RGS2: variants seen among roughly 807,000 people sequenced by gnomAD.
RGS2 encodes regulator of G protein signaling 2.
In RGS2, 20 loss-of-function variants were observed where a neutral mutation model predicts 26.6. The observed-to-expected ratio is 0.75, with a 90% CI of 0.53 to 1.09. The LOEUF is 1.09. RGS2 is among the 50% of genes least tolerant of loss of function. RGS2 has a pLI of 0.00. For synonymous variants in RGS2, 97 were observed against 79.9 expected, an observed-to-expected ratio of 1.21 and a Z score of -1.14; for missense variants, 246 against 245.5, an observed-to-expected ratio of 1.00 and a Z score of -0.01.
At position 192,811,034 on chromosome 1, in the gene RGS2, A is replaced by G. The variant is rs146862218; in HGVS notation, c.328A>G (p.Ile110Val). Reference protein sequence around the residue: ...FLKSEFCEENIEFWLACEDFK... With the variant: ...FLKSEFCEENVEFWLACEDFK... Reference sequence around the variant, plus strand: ...AAAGTCGGAATTCTGTGAAGAAAATATTGAATTCTGGCTGGCCTGTGAAGA... The same window carrying G: ...AAAGTCGGAATTCTGTGAAGAAAATGTTGAATTCTGGCTGGCCTGTGAAGA... The change falls in exon 4 of 5, where the codon ATT (isoleucine) becomes GTT (valine). Residue 110 changes from isoleucine (I) to valine (V), a missense_variant. Coordinates refer to ENST00000235382, the MANE Select transcript of RGS2 (RefSeq NM_002923.4). 674 of 1,614,140 alleles carry G rather than the reference A, an allele frequency of 4.2e-4. 1 individual carries two copies. The highest frequency in any genetic ancestry group is 5.2e-4 in the Non-Finnish European group (612 of 1,180,014).
Position 192,809,151 on chromosome 1 carries a change from A to G in RGS2, c.80A>G (p.Glu27Gly), listed in dbSNP as rs1026377769. 1 of 1,613,766 alleles carries G rather than the reference A, an allele frequency of 6.2e-7. No homozygotes were observed. The highest frequency in any genetic ancestry group is 1.7e-5 in the Admixed American group (1 of 60,020). The change falls in exon 1 of 5, where the codon GAG (glutamate) becomes GGG (glycine). Residue 27 changes from glutamate (E) to glycine (G), a missense_variant. Glu to Gly is a moderately conservative substitution (Grantham distance 98). Coordinates refer to ENST00000235382, the MANE Select transcript of RGS2 (RefSeq NM_002923.4). ...DKSAGSGHKS[E>G]EKREKMKRTL... ...AGCGCAGGCAGTGGCCACAAGAGCGAGGAGAAGCGAGAAAAGATGAAACGG... is the reference window on the plus strand; with the variant it reads ...AGCGCAGGCAGTGGCCACAAGAGCGGGGAGAAGCGAGAAAAGATGAAACGG...
Position 192,809,100 on chromosome 1 carries a change from AAC to A in RGS2, c.32_33del (p.His11ArgfsTer64). ...CAAAGTGCTATGTTCTTGGCTGTTC[AAC>A]ACGACTGCAGACCCATGGACAAGAG... is the stretch of plus-strand genomic sequence containing the variant. On this transcript the variant is annotated frameshift_variant, in exon 1 of 5. Transcript: ENST00000235382. LOFTEE classifies it high-confidence loss of function. The A allele has an allele frequency of 6.2e-7, 1 of 1,614,086 alleles. No homozygotes were observed.
At chr1:192,810,880 A>G in intron 3 of RGS2, 101 bp from the exon 4 acceptor site, 2 of 1,314,758 alleles carry the variant, frequency 1.5e-6, no homozygotes, top group Non-Finnish European at 2.2e-6. Context: ...TAGAAAATTC[A>G]TTTAGAAATA....
rs752129550 is a variant in RGS2 at position 192,810,274 on chromosome 1, T to A, written c.212+7T>A. The A allele has an allele frequency of 6.2e-7, 1 of 1,612,178 alleles. No individual in the cohort carries two copies. The highest frequency in any genetic ancestry group is 8.5e-7 in the Non-Finnish European group (1 of 1,178,196). On this transcript the variant is annotated splice_region_variant and intron_variant, in intron 2 of 4. Coordinates refer to ENST00000235382, the MANE Select transcript of RGS2 (RefSeq NM_002923.4). The stretch of plus-strand genomic sequence containing the variant: ...AACAGCAAGCTTTCATCAAGTAAGT[T>A]GAGAATCCTGTGCTTGCAAATATCA...
At chr1:192,810,556 G>C (rs1189740607) in intron 3 of RGS2, 125 bp downstream of exon 3, 2 of 833,830 alleles carry the variant, frequency 2.4e-6, no homozygotes, top group Non-Finnish European at 4.1e-6. Flanking sequence ...GATAAAGCCT[G>C]TTTTTCTTTC....
chr1:192,810,737 TATAA>T (rs1665578051), intron 3 of RGS2: 1 of 611,872 alleles, frequency 1.6e-6, no homozygotes, highest in Non-Finnish European at 2.9e-6. Context: ...ATGGCTCCCC[TATAA>T]ATATTTACTT....
rs1665592130 is a variant in RGS2 at position 192,811,521 on chromosome 1, T to G, written c.561T>G (p.Pro187=). The G allele has an allele frequency of 6.2e-7, 1 of 1,614,166 alleles. No homozygotes were observed. The change falls in exon 5 of 5, where the codon CCT becomes CCG. Residue 187 remains proline, a synonymous_variant. Coordinates refer to ENST00000235382, the MANE Select transcript of RGS2 (RefSeq NM_002923.4). ...VYSLMENNSY[P]RFLESEFYQD... is the part of the protein sequence containing the mutation. ...GCTTGATGGAGAACAACTCTTATCC[T>G]CGTTTCTTGGAGTCAGAATTCTACC...
chr1:192,810,116 A>T (rs367757316), intron 1 of RGS2, 50 bp from the exon 2 acceptor site: 31 of 1,145,044 alleles, frequency 2.7e-5, no homozygotes, highest in Non-Finnish European at 3.8e-5. Flanking sequence ...CTGCAGTAGC[A>T]TATTCAAGTG....
At position 192,811,114 on chromosome 1, in the gene RGS2, T is replaced by C; in HGVS notation, c.408T>C (p.Tyr136=). 1.2e-6 allele frequency: 2 copies of C among 1,614,154 alleles called. No individual in the cohort carries two copies. The highest frequency in any genetic ancestry group is 1.3e-5 in the African/African-American group (1 of 75,034). The change falls in exon 4 of 5, where the codon TAT becomes TAC. Residue 136 remains tyrosine (Y), a synonymous_variant. Transcript: ENST00000235382. ...TGTCCTCAAAAGCAAGGAAAATATA[T>C]ACTGACTTCATAGAAAAGGAAGCTC... is the stretch of plus-strand genomic sequence containing the variant. The part of the protein sequence containing the change: ...QKLSSKARKI[Y]TDFIEKEAPK...
intron 1 of RGS2, 122 bp downstream of exon 1, chr1:192,809,303 A>G (rs1221207518): frequency 3.9e-6 from 3 of 763,078 alleles, no homozygotes; most frequent in South Asian, 2.8e-5. Flanking sequence ...AGGGAAAAAA[A>G]ATCGAAAAGG....
intron 4 of RGS2, 101 bp downstream of exon 4, chr1:192,811,248 T>C: frequency 7.1e-7 from 1 of 1,406,330 alleles, no homozygotes; most frequent in Admixed American, 1.7e-5. Context: ...GGGTAAAAAG[T>C]CCCTCCACGT....
rs775605317 is a variant in RGS2 at position 192,810,226 on chromosome 1, G to A, written c.171G>A (p.Lys57=). The part of the protein sequence containing the change: ...YFLQNSSTPG[K]PKTGKKSKQQ... Reference sequence around the variant, plus strand: ...TACAAAATTCCTCTACTCCTGGGAAGCCCAAAACCGGCAAAAAAAGCAAAC... The same window carrying A: ...TACAAAATTCCTCTACTCCTGGGAAACCCAAAACCGGCAAAAAAAGCAAAC... Residue 57 remains lysine, a synonymous_variant, in exon 2 of 5, where the codon AAG becomes AAA. Transcript: ENST00000235382. 12 of 1,614,096 alleles carry A rather than the reference G, an allele frequency of 7.4e-6. No individual in the cohort carries two copies. The highest frequency in any genetic ancestry group is 1.0e-5 in the Non-Finnish European group (12 of 1,179,932).
rs1030477176 is a variant in RGS2, at chr1:192,810,502, A to G, written c.274+71A>G. On this transcript the variant is annotated intron_variant, in intron 3 of 4. Transcript: ENST00000235382. Reference sequence around the variant, plus strand: ...CTGGAAAGGCTGCGTCCACCTAACAAAAGAGCAGCTTGCCTGAGGGGGATT... The same window carrying G: ...CTGGAAAGGCTGCGTCCACCTAACAGAAGAGCAGCTTGCCTGAGGGGGATT... 42 of 1,368,556 alleles carry G rather than the reference A, an allele frequency of 3.1e-5. No individual in the cohort carries two copies. The African/African-American group carries it at 5.1e-4, about 17-fold the overall frequency. The allele number at this position is 1,368,556 out of a possible 1,614,324, so 84.8% of individuals were successfully genotyped here.
intron 3 of RGS2, chr1:192,810,746 T>G: frequency 1.6e-6 from 1 of 615,562 alleles, no homozygotes. Flanking sequence ...CTATAAATAT[T>G]TACTTTGCAT....
In RGS2 at chr1:192,811,632, A is replaced by C. The variant is rs898883360; in HGVS notation, c.*36A>C. ...GGAGCCCAGAAATGGAGGACATTTC[A>C]TTCTTTTTCCTGAGGGGAAGGACTG... On this transcript the variant is annotated 3_prime_UTR_variant, in exon 5 of 5. Transcript: ENST00000235382. 6.3e-7 allele frequency: 1 copy of C among 1,589,982 alleles called. No individual in the cohort carries two copies. The highest frequency in any genetic ancestry group is 8.6e-7 in the Non-Finnish European group (1 of 1,158,122).
chr1:192,810,994 A>C lies in RGS2; in HGVS notation c.288A>C (p.Ala96=). The change falls in exon 4 of 5, where the codon GCA becomes GCC. Residue 96 remains alanine (A), a synonymous_variant. Coordinates refer to ENST00000235382, the MANE Select transcript of RGS2 (RefSeq NM_002923.4). ...TCCCCCCTTCAGATGGTCTTGCTGC[A>C]TTCAGGGCTTTTTTAAAGTCGGAAT... is the stretch of plus-strand genomic sequence containing the variant. The part of the protein sequence containing the change: ...ELLASKYGLA[A]FRAFLKSEFC... The C allele has an allele frequency of 6.2e-7, 1 of 1,614,150 alleles. No homozygotes were observed. The highest frequency in any genetic ancestry group is 8.5e-7 in the Non-Finnish European group (1 of 1,179,992).
chr1:192,811,412 A>AT lies in RGS2; in HGVS notation c.456dup (p.Gln153SerfsTer48), dbSNP rs1665590544. 6.2e-7 allele frequency: 1 copy of AT among 1,612,718 alleles called. No individual in the cohort carries two copies. The highest frequency in any genetic ancestry group is 1.3e-5 in the African/African-American group (1 of 74,818). Reference sequence around the variant, plus strand: ...TTTGTTTTATTTCAGATAAACATAGATTTTCAAACCAAAACTCTGATTGCC... The same window carrying AT: ...TTTGTTTTATTTCAGATAAACATAGATTTTTCAAACCAAAACTCTGATTGCC... On this transcript the variant is annotated frameshift_variant, in exon 5 of 5. Transcript: ENST00000235382. LOFTEE classifies it high-confidence loss of function.
chr1:192,809,211 AC>A (rs980675191), intron 1 of RGS2, 30 bp downstream of exon 1: 13 of 1,471,644 alleles, frequency 8.8e-6, no homozygotes, highest in Admixed American at 8.4e-5. Context: ...CTCTCCCGCC[AC>A]CCCCTGCCCC....
chr1:192,810,310 G>A (rs775686830), intron 2 of RGS2, 43 bp downstream of exon 2: 1 of 1,603,802 alleles, frequency 6.2e-7, no homozygotes, highest in Non-Finnish European at 8.5e-7. Flanking sequence ...ATAGTTAGCT[G>A]CTGAACTGAA....
Sources: allele counts gnomAD v4.1 joint callset, GRCh38; gene constraint gnomAD v4.1.1; transcripts MANE v1.5; gene names NCBI Gene and HGNC (gene_info 2026-07-23, HGNC 2026-07-21).